Variants in ESYT2 observed in about 807,000 individuals in gnomAD.
ESYT2 encodes extended synaptotagmin-2.
In ESYT2, 54 loss-of-function variants were observed where a neutral mutation model predicts 107.2. That is an observed-to-expected ratio of 0.50 (90% confidence interval 0.40 to 0.63). The LOEUF is 0.63. Ranked by LOEUF, ESYT2 falls within the 30% of genes least tolerant of loss-of-function variation. ESYT2 has a pLI of 0.00. For synonymous variants in ESYT2, 491 were observed against 434.1 expected (o/e 1.13, Z -1.63); for missense variants, 1,020 against 1,094.5 (o/e 0.93, Z 0.96).
intron 17 of ESYT2, among the ~76,000 whole-genome samples, 171 bp downstream of exon 17, chr7:158,743,358 C>A (rs1481794959): frequency 6.6e-6 from 1 of 152,180 alleles, no homozygotes; most frequent in East Asian, 1.9e-4. Flanking sequence ...CCCCGGAACC[C>A]TCTGATACCC....
chr7:158,821,501 C>T (rs995441274), intron 1 of ESYT2, among the ~76,000 whole-genome samples: 1 of 152,230 alleles, frequency 6.6e-6, no homozygotes, highest in Non-Finnish European at 1.5e-5. Context: ...GATCTGAACA[C>T]ATCACTACTT....
chr7:158,798,594 C>T (rs1056331503), intron 2 of ESYT2, among the ~76,000 whole-genome samples: 7 of 135,440 alleles, frequency 5.2e-5, no homozygotes, highest in African/African-American at 1.2e-4. Flanking sequence ...TGTGGTGAAC[C>T]GAGATCATGC....
At chr7:158,789,301 C>G (rs1388974055) in intron 4 of ESYT2, among the ~76,000 whole-genome samples, 1 of 152,178 alleles carries the variant, frequency 6.6e-6, no homozygotes, top group Non-Finnish European at 1.5e-5. Context: ...TCACCACTAA[C>G]CTGTTGCGAA....
At chr7:158,819,406 A>C (rs963313494) in intron 1 of ESYT2, among the ~76,000 whole-genome samples, 2 of 152,270 alleles carry the variant, frequency 1.3e-5, no homozygotes, top group African/African-American at 2.4e-5. Flanking sequence ...ATTATATCAT[A>C]TCTCACAATC....
intron 1 of ESYT2, among the ~76,000 whole-genome samples, chr7:158,828,680 C>G (rs976530855): frequency 2.0e-5 from 3 of 152,292 alleles, no homozygotes; most frequent in Middle Eastern, 3.4e-3. Context: ...ACGGAGCACT[C>G]AGGACTAGGG....
At chr7:158,767,797 A>G (rs200215341) in intron 7 of ESYT2, 23 bp from the exon 8 acceptor site, 16 of 1,601,848 alleles carry the variant, frequency 1.0e-5, no homozygotes, top group Non-Finnish European at 1.3e-5. Context: ...AGACAAAAAG[A>G]GCAAACGGAC....
At chr7:158,776,150 T>C (rs1389467257) in intron 6 of ESYT2, among the ~76,000 whole-genome samples, 7 of 152,234 alleles carry the variant, frequency 4.6e-5, no homozygotes, top group Non-Finnish European at 1.5e-5. Flanking sequence ...AAAGGTGTGC[T>C]GTCATCCAGG....
intron 4 of ESYT2, 27 bp from the exon 5 acceptor site, chr7:158,788,444 T>C: frequency 6.4e-7 from 1 of 1,570,306 alleles, no homozygotes; most frequent in Non-Finnish European, 8.7e-7. Flanking sequence ...CATTACATGA[T>C]GTAAGTGAAA....
chr7:158,754,980 C>T (rs1392254056), intron 13 of ESYT2, among the ~76,000 whole-genome samples: 1 of 152,172 alleles, frequency 6.6e-6, no homozygotes. Flanking sequence ...TCAAAGCTGG[C>T]CACCATGAGT....
At position 158,789,198 on chromosome 7, in the gene ESYT2, G is replaced by A. The variant is rs73729994; in HGVS notation, c.585-781C>T. On this transcript the variant is annotated intron_variant, in intron 4 of 22. Coordinates refer to ENST00000275418, the MANE Select transcript of ESYT2 (RefSeq NM_001367773.1). The stretch of plus-strand genomic sequence containing the variant: ...CAAAATAGTAACAAAAGGAATCTGG[G>A]ATAAGTTTCTTCCAATATTTATTGT... Among the ~76,000 whole-genome samples, 1,086 of 152,202 alleles carry A rather than the reference G, an allele frequency of 7.1e-3. 16 individuals are homozygous for A. Among genetic ancestry groups the A allele is most frequent in the African/African-American group, 0.025 (1,041 of 41,530 alleles).
chr7:158,762,385 T>C (rs1369918217), intron 10 of ESYT2, among the ~76,000 whole-genome samples: 1 of 152,164 alleles, frequency 6.6e-6, no homozygotes, highest in Non-Finnish European at 1.5e-5. Flanking sequence ...CAATTGTTCC[T>C]AGTTGTCCTG....
chr7:158,765,756 CA>C (rs1285853307), intron 8 of ESYT2, among the ~76,000 whole-genome samples: 5 of 151,332 alleles, frequency 3.3e-5, no homozygotes, highest in Non-Finnish European at 5.9e-5. Context: ...AATAAACGAA[CA>C]AAAAAACCAA....
intron 8 of ESYT2, 148 bp from the exon 9 acceptor site, chr7:158,765,001 G>A (rs35421678): frequency 0.036 from 27,482 of 753,134 alleles, 655 homozygotes; most frequent in Non-Finnish European, 0.046. Context: ...TCCCAGCAGC[G>A]GGGAAATGCA....
At chr7:158,765,013 G>A (rs1838102300) in intron 8 of ESYT2, among the ~76,000 whole-genome samples, 160 bp from the exon 9 acceptor site, 1 of 152,220 alleles carries the variant, frequency 6.6e-6, no homozygotes, top group African/African-American at 2.4e-5. Context: ...GGAAATGCAA[G>A]TGTGTATAGG....
intron 6 of ESYT2, among the ~76,000 whole-genome samples, chr7:158,782,306 A>G: frequency 6.6e-6 from 1 of 150,684 alleles, no homozygotes; most frequent in African/African-American, 2.4e-5. Context: ...ACAAGTGAAC[A>G]AGTGTGAGTG....
chr7:158,805,458 T>C (rs1162120250), intron 1 of ESYT2, among the ~76,000 whole-genome samples: 1 of 152,236 alleles, frequency 6.6e-6, no homozygotes, highest in African/African-American at 2.4e-5. Flanking sequence ...TAATAAGCTG[T>C]CACAGTATGG....
Position 158,777,280 on chromosome 7 carries a change from G to A in ESYT2, c.748-3884C>T, listed in dbSNP as rs566266210. Among the ~76,000 whole-genome samples, 6 of 152,280 alleles carry A rather than the reference G, an allele frequency of 3.9e-5. No homozygotes were observed. The South Asian group carries it at 8.3e-4, about 21-fold the overall frequency. ...TGTCTCAGGGAATAGGGAGATCCAG[G>A]AGAGGGAGACATAGGAGAACAGTCA... is the stretch of plus-strand genomic sequence containing the variant. On this transcript the variant is annotated intron_variant, in intron 6 of 22. Coordinates refer to ENST00000275418, the MANE Select transcript of ESYT2 (RefSeq NM_001367773.1).
chr7:158,782,410 A>G (rs1182264984), intron 6 of ESYT2, among the ~76,000 whole-genome samples: 1 of 148,392 alleles, frequency 6.7e-6, no homozygotes, highest in African/African-American at 2.5e-5. Context: ...AAGTGAGTGA[A>G]CGAGTGTGAG....
intron 1 of ESYT2, among the ~76,000 whole-genome samples, chr7:158,816,479 T>C (rs914972516): frequency 6.6e-6 from 1 of 152,190 alleles, no homozygotes; most frequent in Non-Finnish European, 1.5e-5. Flanking sequence ...AGCCATGGAA[T>C]GTGGCTGAGA....
Sources: allele counts gnomAD v4.1 joint callset (sites outside exome capture counted in the v4.1 genomes callset), GRCh38; gene constraint gnomAD v4.1.1; transcripts MANE v1.5; gene names NCBI Gene and HGNC (gene_info 2026-07-23, HGNC 2026-07-21).